GPR137B: variants seen among roughly 807,000 people sequenced by gnomAD.
GPR137B encodes G protein-coupled receptor 137B.
GPR137B carries 42 observed loss-of-function variants against 42.5 expected under a neutral mutation model. The observed-to-expected ratio is 0.99, with a 90% CI of 0.77 to 1.28. The LOEUF is 1.28. Among genes scored for constraint, GPR137B ranks in the 50% most tolerant of loss-of-function variants. The pLI, the probability that GPR137B is intolerant of heterozygous loss-of-function variation, is 0.00. For synonymous variants in GPR137B, 218 were observed against 209.7 expected, an observed-to-expected ratio of 1.04 and a Z score of -0.34; for missense variants, 487 against 493.9, an observed-to-expected ratio of 0.99 and a Z score of 0.13.
intron 5 of GPR137B, among the ~76,000 whole-genome samples, chr1:236,189,090 T>G (rs1663115651): frequency 6.6e-6 from 1 of 152,254 alleles, no homozygotes; most frequent in Admixed American, 6.5e-5. Flanking sequence ...CCTCTAGATC[T>G]TCTAGTTTAT....
At chr1:236,198,073 G>A (rs1264694432) in intron 5 of GPR137B, among the ~76,000 whole-genome samples, 2 of 152,070 alleles carry the variant, frequency 1.3e-5, no homozygotes, top group African/African-American at 4.8e-5. Context: ...CTATAGCCTT[G>A]TAATATAGTT....
intron 1 of GPR137B, among the ~76,000 whole-genome samples, chr1:236,145,973 T>C (rs1259884383): frequency 6.6e-6 from 1 of 152,212 alleles, no homozygotes; most frequent in Admixed American, 6.5e-5. Flanking sequence ...TTCTCCTGCC[T>C]CAGCCTCCCG....
intron 5 of GPR137B, among the ~76,000 whole-genome samples, chr1:236,185,356 C>T (rs1397108018): frequency 6.6e-6 from 1 of 152,166 alleles, no homozygotes; most frequent in African/African-American, 2.4e-5. Flanking sequence ...TAGAGCCAGA[C>T]TTCAGAGTCT....
At chr1:236,172,250 T>C (rs1390064474) in intron 2 of GPR137B, among the ~76,000 whole-genome samples, 1 of 152,228 alleles carries the variant, frequency 6.6e-6, no homozygotes, top group Admixed American at 6.5e-5. Context: ...CAGATGCCAC[T>C]AGAGACATTT....
chr1:236,190,996 G>C (rs1179679123), intron 5 of GPR137B, among the ~76,000 whole-genome samples: 1 of 152,094 alleles, frequency 6.6e-6, no homozygotes, highest in Non-Finnish European at 1.5e-5. Context: ...TGTAGATTTG[G>C]TCTTTTCACA....
chr1:236,169,361 A>G (rs1662467102), intron 2 of GPR137B, among the ~76,000 whole-genome samples: 1 of 152,236 alleles, frequency 6.6e-6, no homozygotes, highest in Admixed American at 6.5e-5. Flanking sequence ...TTCAGTGCCC[A>G]TTGAACCCTA....
At chr1:236,205,055 A>C in intron 5 of GPR137B, 71 bp from the exon 6 acceptor site, 23 of 1,283,748 alleles carry the variant, frequency 1.8e-5, no homozygotes, top group South Asian at 2.6e-5. Context: ...CCTACAAGAA[A>C]GAGATCTTAT....
intron 1 of GPR137B, among the ~76,000 whole-genome samples, chr1:236,152,331 A>G (rs1661890422): frequency 6.6e-6 from 1 of 152,064 alleles, no homozygotes; most frequent in Non-Finnish European, 1.5e-5. Flanking sequence ...GCATAGTGGC[A>G]TGCACCTGTA....
intron 6 of GPR137B, among the ~76,000 whole-genome samples, chr1:236,205,850 CTT>C (rs1663644469): frequency 6.6e-6 from 1 of 152,096 alleles, no homozygotes; most frequent in Non-Finnish European, 1.5e-5. Flanking sequence ...AGAAAAAAAA[CTT>C]TTTAGAAAAT....
intron 5 of GPR137B, 33 bp from the exon 6 acceptor site, chr1:236,205,093 G>A (rs776735600): frequency 1.9e-6 from 3 of 1,564,076 alleles, no homozygotes; most frequent in East Asian, 2.3e-5. Flanking sequence ...CATGATGTCT[G>A]TAAGTATGCT....
Position 236,155,193 on chromosome 1 carries a change from C to T in GPR137B, c.414+12157C>T, listed in dbSNP as rs959441193. Among the ~76,000 whole-genome samples, 11 of 152,310 alleles carry T rather than the reference C, an allele frequency of 7.2e-5. No individual in the cohort carries two copies. Among genetic ancestry groups the T allele is most frequent in the African/African-American group, 1.9e-4 (8 of 41,570 alleles). Reference sequence around the variant, plus strand: ...CGTGCGCTTCTGTGGCTGAAGCGGCCGGGCCGCAGCTATTCCTGCGGGGCT... The same window carrying T: ...CGTGCGCTTCTGTGGCTGAAGCGGCTGGGCCGCAGCTATTCCTGCGGGGCT... On this transcript the variant is annotated intron_variant, in intron 1 of 6. Transcript: ENST00000366592. The surrounding 1 kb of genome is among the most constrained non-coding windows in gnomAD (Gnocchi z 4.6).
chr1:236,158,522 A>G (rs890220055), intron 1 of GPR137B, among the ~76,000 whole-genome samples: 1 of 152,248 alleles, frequency 6.6e-6, no homozygotes, highest in Non-Finnish European at 1.5e-5. Context: ...CTTTGTATAT[A>G]CATAAATTAT....
chr1:236,179,417 A>G (rs1390223927), intron 3 of GPR137B, among the ~76,000 whole-genome samples: 1 of 152,096 alleles, frequency 6.6e-6, no homozygotes. Context: ...GGGCTCCTGT[A>G]TTCCCGGCCT....
At chr1:236,170,647 A>T (rs568843124) in intron 2 of GPR137B, among the ~76,000 whole-genome samples, 1 of 152,252 alleles carries the variant, frequency 6.6e-6, no homozygotes, top group African/African-American at 2.4e-5. Context: ...GACCAAAAAT[A>T]TTTCAGATTT....
chr1:236,169,192 GCAGGTGCAGGTGCAGGTGCAGGTA>G (rs1662453035), intron 2 of GPR137B, among the ~76,000 whole-genome samples: 1 of 143,314 alleles, frequency 7.0e-6, no homozygotes, highest in Admixed American at 6.7e-5. Flanking sequence ...AGGTGCAGGT[GCAGGTGCAGGTGCAGGTGCAGGTA>G]CAGGTACAGG....
At chr1:236,165,413 G>T (rs533662571) in intron 1 of GPR137B, among the ~76,000 whole-genome samples, 2 of 152,188 alleles carry the variant, frequency 1.3e-5, no homozygotes, top group Non-Finnish European at 2.9e-5. Flanking sequence ...GTAAGGGTTT[G>T]TGAGTTATCC....
chr1:236,161,007 G>A (rs1662176409), intron 1 of GPR137B, among the ~76,000 whole-genome samples: 1 of 151,808 alleles, frequency 6.6e-6, no homozygotes, highest in African/African-American at 2.4e-5. Flanking sequence ...GAGTTGCGCA[G>A]TGACCCCACA....
chr1:236,145,983 G>C (rs1315787252), intron 1 of GPR137B, among the ~76,000 whole-genome samples: 1 of 152,024 alleles, frequency 6.6e-6, no homozygotes, highest in East Asian at 1.9e-4. Flanking sequence ...TCAGCCTCCC[G>C]AGTATCTGGG....
chr1:236,196,109 T>C (rs1305601374), intron 5 of GPR137B, among the ~76,000 whole-genome samples: 1 of 152,170 alleles, frequency 6.6e-6, no homozygotes, highest in Non-Finnish European at 1.5e-5. Flanking sequence ...TTTGGTTGCT[T>C]GTAGGATATT....
Sources: allele counts gnomAD v4.1 joint callset (sites outside exome capture counted in the v4.1 genomes callset), GRCh38; gene constraint gnomAD v4.1.1; non-coding constraint Gnocchi (gnomAD v3.1); transcripts MANE v1.5; gene names NCBI Gene and HGNC (gene_info 2026-07-23, HGNC 2026-07-21).